Variants in TMEM117 observed in about 807,000 individuals in gnomAD.
TMEM117 encodes the protein transmembrane protein 117.
In TMEM117, 27 loss-of-function variants were observed where a neutral mutation model predicts 52.4. The observed-to-expected ratio is 0.51, with a 90% confidence interval of 0.38 to 0.71. TMEM117 has a LOEUF of 0.71. Ranked by LOEUF, TMEM117 falls within the 30% of genes least tolerant of loss-of-function variation. TMEM117 has a pLI of 0.00. For synonymous variants in TMEM117, 215 were observed against 206.3 expected, an observed-to-expected ratio of 1.04 and a Z score of -0.36; for missense variants, 556 against 630.5, an observed-to-expected ratio of 0.88 and a Z score of 1.26.
chr12:44,011,903 A>G (rs1044347341), intron 3 of TMEM117, among the ~76,000 whole-genome samples: 3 of 152,220 alleles, frequency 2.0e-5, no homozygotes, highest in African/African-American at 4.8e-5. Flanking sequence ...ACATATATAC[A>G]CTGGACAAAG....
At chr12:44,295,698 A>G (rs1248089683) in intron 5 of TMEM117, among the ~76,000 whole-genome samples, 2 of 143,314 alleles carry the variant, frequency 1.4e-5, no homozygotes, top group African/African-American at 2.7e-5. Flanking sequence ...TATGGTTTCT[A>G]TTTTTTATGA....
Position 44,099,109 on chromosome 12 carries a change from A to G in TMEM117, c.411-44416A>G, listed in dbSNP as rs891433315. On this transcript the variant is annotated intron_variant, in intron 3 of 7. Transcript: ENST00000266534. ...TTACTGGCAAAGCCAACCTCAGGCT[A>G]TCTTTATTTTTTTTTTAAAGTCAAC... Among the ~76,000 whole-genome samples, 10 of 150,772 alleles carry G rather than the reference A, an allele frequency of 6.6e-5. No individual in the cohort carries two copies. In the East Asian group the frequency reaches 7.8e-4, roughly 12 times the overall value.
intron 3 of TMEM117, among the ~76,000 whole-genome samples, chr12:43,992,269 T>C (rs762442253): frequency 2.0e-5 from 3 of 152,118 alleles, no homozygotes; most frequent in Non-Finnish European, 2.9e-5. Flanking sequence ...TTTAACTTAA[T>C]TTAATTAATT....
chr12:44,326,032 G>A (rs547112943), intron 6 of TMEM117, among the ~76,000 whole-genome samples: 9 of 152,150 alleles, frequency 5.9e-5, no homozygotes, highest in South Asian at 2.1e-4. Context: ...GTGTGGTGGC[G>A]TGCGCCTGGA....
At chr12:44,355,365 G>A (rs977640546) in intron 6 of TMEM117, among the ~76,000 whole-genome samples, 1 of 151,934 alleles carries the variant, frequency 6.6e-6, no homozygotes, top group African/African-American at 2.4e-5. Context: ...TTGCCTATTT[G>A]GAGGTTACAT....
chr12:44,332,208 G>C (rs1456139075), intron 6 of TMEM117, among the ~76,000 whole-genome samples: 1 of 151,884 alleles, frequency 6.6e-6, no homozygotes, highest in Non-Finnish European at 1.5e-5. Flanking sequence ...ATAAAATGGG[G>C]GTAATAAAAC....
At chr12:43,970,045 A>G (rs1355629141) in intron 3 of TMEM117, among the ~76,000 whole-genome samples, 1 of 152,186 alleles carries the variant, frequency 6.6e-6, no homozygotes, top group Non-Finnish European at 1.5e-5. Flanking sequence ...AGTCATTCTT[A>G]GTAGCTTGAT....
chr12:44,167,245 G>T (rs76619023), intron 4 of TMEM117, among the ~76,000 whole-genome samples: 2,658 of 152,290 alleles, frequency 0.017, 59 homozygotes, highest in East Asian at 0.057. Flanking sequence ...TGAATGTATT[G>T]TAGTCCTGTT....
intron 4 of TMEM117, among the ~76,000 whole-genome samples, chr12:44,157,413 A>G (rs943009237): frequency 6.6e-6 from 1 of 152,182 alleles, no homozygotes; most frequent in African/African-American, 2.4e-5. Flanking sequence ...TGTTTCATAC[A>G]TTAGAACATC....
At chr12:44,214,740 A>G (rs1949693932) in intron 5 of TMEM117, among the ~76,000 whole-genome samples, 1 of 152,228 alleles carries the variant, frequency 6.6e-6, no homozygotes, top group Admixed American at 6.5e-5. Flanking sequence ...AACAATTTAA[A>G]TGCCACTTTA....
intron 3 of TMEM117, among the ~76,000 whole-genome samples, chr12:44,019,290 G>T (rs939745091): frequency 3.3e-5 from 5 of 151,876 alleles, no homozygotes; most frequent in South Asian, 2.1e-4. Context: ...AGAGCAGGTT[G>T]CGCACTTCCC....
Position 43,919,422 on chromosome 12 carries a change from A to G in TMEM117, c.278-24788A>G, listed in dbSNP as rs527774063. On this transcript the variant is annotated intron_variant, in intron 2 of 7. Transcript: ENST00000266534. Reference sequence around the variant, plus strand: ...CTGTGACTGGCTTGTTTCACCTGGCATAATGTCCTGAAGGTTCATCCATGC... The same window carrying G: ...CTGTGACTGGCTTGTTTCACCTGGCGTAATGTCCTGAAGGTTCATCCATGC... 1.0e-3 allele frequency among the ~76,000 whole-genome samples: 156 copies of G among 152,354 alleles called. 1 individual carries two copies. The highest frequency in any genetic ancestry group is 3.3e-3 in the African/African-American group (136 of 41,584).
intron 2 of TMEM117, among the ~76,000 whole-genome samples, chr12:43,869,505 T>C (rs1943667412): frequency 6.6e-6 from 1 of 152,200 alleles, no homozygotes; most frequent in Non-Finnish European, 1.5e-5. Flanking sequence ...TTCTACCCAC[T>C]GGTGACAGAA....
At chr12:44,114,102 C>G (rs1489645081) in intron 3 of TMEM117, among the ~76,000 whole-genome samples, 1 of 149,754 alleles carries the variant, frequency 6.7e-6, no homozygotes, top group Non-Finnish European at 1.5e-5. Flanking sequence ...CCTGCGCCCA[C>G]TGTCTGGCAC....
At chr12:43,957,963 T>C (rs1945335536) in intron 3 of TMEM117, among the ~76,000 whole-genome samples, 1 of 152,204 alleles carries the variant, frequency 6.6e-6, no homozygotes, top group Non-Finnish European at 1.5e-5. Flanking sequence ...TTTTCAGCAC[T>C]GATTGTCTCA....
At chr12:44,014,460 T>C (rs1021834969) in intron 3 of TMEM117, among the ~76,000 whole-genome samples, 1 of 152,156 alleles carries the variant, frequency 6.6e-6, no homozygotes, top group Non-Finnish European at 1.5e-5. Flanking sequence ...TAGAAATAGC[T>C]GGGGTATGTC....
chr12:44,052,467 G>A (rs770137480), intron 3 of TMEM117, among the ~76,000 whole-genome samples: 4 of 152,144 alleles, frequency 2.6e-5, no homozygotes, highest in Non-Finnish European at 4.4e-5. Flanking sequence ...CAGCCCCTCA[G>A]GGACACTCCA....
intron 2 of TMEM117, among the ~76,000 whole-genome samples, chr12:43,852,099 C>A (rs1446183273): frequency 1.3e-5 from 2 of 150,856 alleles, no homozygotes; most frequent in East Asian, 1.9e-4. Flanking sequence ...GAGATCAAGA[C>A]CATCCTGGCC....
Position 44,057,206 on chromosome 12 carries a change from T to C in TMEM117, c.411-86319T>C, listed in dbSNP as rs190559198. On this transcript the variant is annotated intron_variant, in intron 3 of 7. Coordinates refer to ENST00000266534, the MANE Select transcript of TMEM117 (RefSeq NM_032256.3). ...GAAGCAGTGTATCTAAATTGCCCAG[T>C]TGCTAAGCGGGTCTTATGAATAAGT... 4.5e-3 allele frequency among the ~76,000 whole-genome samples: 680 copies of C among 152,286 alleles called. 5 individuals carry two copies. Among genetic ancestry groups the C allele is most frequent in the African/African-American group, 0.015 (629 of 41,564 alleles).
Sources: gnomAD v4.1 joint callset for allele counts (sites outside exome capture counted in the v4.1 genomes callset) on GRCh38, gnomAD v4.1.1 for gene constraint, MANE v1.5 for transcripts, NCBI Gene and HGNC (gene_info 2026-07-23, HGNC 2026-07-21) for gene names.